The following DGKI variants were observed in gnomAD, a reference collection of about 807,000 sequenced individuals.
DGKI encodes diacylglycerol kinase iota.
A neutral mutation model predicts 147.5 loss-of-function variants in DGKI; 55 were observed. The observed-to-expected ratio is 0.37, with a 90% CI of 0.30 to 0.47. DGKI has a LOEUF of 0.47. Ranked by LOEUF, DGKI falls within the 20% of genes least tolerant of loss-of-function variation. The pLI, the probability that DGKI is intolerant of heterozygous loss-of-function variation, is 1.00. For missense variants in DGKI, 1,007 were observed against 1,323.8 expected, an observed-to-expected ratio of 0.76 and a Z score of 3.71; for synonymous variants, 469 against 477.1, an observed-to-expected ratio of 0.98 and a Z score of 0.22.
At chr7:137,677,438 A>G (rs1823074073) in intron 3 of DGKI, among the ~76,000 whole-genome samples, 2 of 152,236 alleles carry the variant, frequency 1.3e-5, no homozygotes, top group African/African-American at 2.4e-5. Context: ...TTGATTCCCA[A>G]CTTCACTTAA....
intron 21 of DGKI, among the ~76,000 whole-genome samples, chr7:137,519,966 T>G (rs1434113700): frequency 6.6e-6 from 1 of 152,108 alleles, no homozygotes; most frequent in Non-Finnish European, 1.5e-5. Context: ...CCAAAGACAC[T>G]GTTCAATTTA....
intron 6 of DGKI, among the ~76,000 whole-genome samples, chr7:137,628,562 G>C (rs953722482): frequency 6.6e-6 from 1 of 152,112 alleles, no homozygotes; most frequent in Non-Finnish European, 1.5e-5. Flanking sequence ...GCCCAAATCT[G>C]CTAATATGGT....
rs374518823 is a variant in DGKI, at chr7:137,831,541, C to G, written c.401+14921G>C. Among the ~76,000 whole-genome samples, 10 of 152,310 alleles carry G rather than the reference C, an allele frequency of 6.6e-5. No homozygotes were observed. In the East Asian group the frequency reaches 1.7e-3, roughly 26 times the overall value. On this transcript the variant is annotated intron_variant, in intron 1 of 32. Coordinates refer to ENST00000614521, the MANE Select transcript of DGKI (RefSeq NM_001321708.2). ...TGAGACTTATTTACTATTATGAGAACAGCATAAGAAAGACCCATCCCATAA... is the reference window on the plus strand; with the variant it reads ...TGAGACTTATTTACTATTATGAGAAGAGCATAAGAAAGACCCATCCCATAA...
chr7:137,490,985 C>A (rs1310291176), intron 21 of DGKI, among the ~76,000 whole-genome samples: 2 of 152,218 alleles, frequency 1.3e-5, no homozygotes, highest in African/African-American at 2.4e-5. Flanking sequence ...ATACTACTAA[C>A]CTACAATAAA....
intron 6 of DGKI, among the ~76,000 whole-genome samples, chr7:137,639,310 T>C (rs1174405143): frequency 6.6e-6 from 1 of 152,084 alleles, no homozygotes; most frequent in Non-Finnish European, 1.5e-5. Flanking sequence ...AGGGTAAATA[T>C]GTAGAAGCAG....
At chr7:137,663,921 C>A (rs1314089961) in intron 3 of DGKI, among the ~76,000 whole-genome samples, 1 of 151,960 alleles carries the variant, frequency 6.6e-6, no homozygotes, top group Non-Finnish European at 1.5e-5. Context: ...CCCACTTAAC[C>A]CTCAATCAGC....
At position 137,391,237 on chromosome 7, in the gene DGKI, G is replaced by T; in HGVS notation, c.3157C>A (p.Leu1053Met). 1.2e-6 allele frequency: 2 copies of T among 1,613,934 alleles called. No homozygotes were observed. Among genetic ancestry groups the T allele is most frequent in the Non-Finnish European group, 1.7e-6 (2 of 1,179,914 alleles). Residue 1053 changes from leucine to methionine, a missense_variant, in exon 33 of 33, where the codon CTG (leucine) becomes ATG (methionine). Leu to Met is a conservative substitution (Grantham distance 15). Coordinates refer to ENST00000614521, the MANE Select transcript of DGKI (RefSeq NM_001321708.2). ...QNYKVIGHED[L>M]ETAV is the part of the protein sequence containing the mutation. ...TACCAGGGTCAAACAGCAGTTTCCA[G>T]GTCCTCATGGCCAATGACCTTATAG...
Position 137,391,332 on chromosome 7 carries a change from T to G in DGKI, c.3062A>C (p.Lys1021Thr). 6.4e-7 allele frequency: 1 copy of G among 1,569,664 alleles called. No homozygotes were observed. Among genetic ancestry groups the G allele is most frequent in the Non-Finnish European group, 8.6e-7 (1 of 1,163,200 alleles). The part of the protein sequence containing the change: ...ASLRKTDSKG[K>T]TPQERAQQAG... ...CTGCTGTGCTCTTTCTTGAGGTGTC[T>G]TACCCTATACGAAAATAGTGAGAAA... The change falls in exon 33 of 33, where the codon AAG becomes ACG. Residue 1021 changes from lysine to threonine, a missense_variant. Physicochemically the swap from Lys to Thr is moderately conservative, Grantham distance 78. This residue lies in a region of DGKI where 385 missense variants were observed against 445.2 expected (regional missense o/e 0.86). Transcript: ENST00000614521.
At chr7:137,720,383 G>A (rs76726845) in intron 1 of DGKI, among the ~76,000 whole-genome samples, 239 of 144,254 alleles carry the variant, frequency 1.7e-3, no homozygotes, top group African/African-American at 5.3e-3. Context: ...TCAGCCCCCC[G>A]AGTGGCTGGG....
intron 10 of DGKI, among the ~76,000 whole-genome samples, chr7:137,603,479 T>A (rs1308445232): frequency 2.6e-5 from 4 of 152,214 alleles, no homozygotes; most frequent in African/African-American, 9.6e-5. Context: ...ACAATCCAAA[T>A]AGAATGCCTC....
At chr7:137,680,048 G>A (rs1395674653) in intron 2 of DGKI, among the ~76,000 whole-genome samples, 23 of 149,276 alleles carry the variant, frequency 1.5e-4, no homozygotes, top group Non-Finnish European at 5.9e-5. Context: ...CAATGTGACA[G>A]AATGTGGAGA....
intron 19 of DGKI, among the ~76,000 whole-genome samples, chr7:137,555,194 G>T (rs1379480499): frequency 1.3e-5 from 2 of 151,474 alleles, no homozygotes; most frequent in East Asian, 4.1e-4. Context: ...GATTACAGGT[G>T]TGAGCCACTG....
chr7:137,692,471 C>T (rs1482176399), intron 1 of DGKI, among the ~76,000 whole-genome samples: 1 of 152,000 alleles, frequency 6.6e-6, no homozygotes, highest in East Asian at 1.9e-4. Context: ...AGTTTTGATA[C>T]AAAAAAATTT....
At chr7:137,498,997 A>G (rs770046511) in intron 21 of DGKI, among the ~76,000 whole-genome samples, 1 of 152,110 alleles carries the variant, frequency 6.6e-6, no homozygotes, top group Non-Finnish European at 1.5e-5. Context: ...GTCCGTGTGC[A>G]CTCTCAGAAA....
intron 21 of DGKI, chr7:137,513,845 G>A: frequency 1.4e-6 from 1 of 692,484 alleles, no homozygotes; most frequent in South Asian, 1.5e-5. Flanking sequence ...CATTTTTTTG[G>A]AAACCTCTGC....
intron 28 of DGKI, among the ~76,000 whole-genome samples, chr7:137,421,761 A>G (rs1812580571): frequency 6.6e-6 from 1 of 152,246 alleles, no homozygotes; most frequent in African/African-American, 2.4e-5. Flanking sequence ...TTTTATCCAC[A>G]CTATATCTTT....
intron 2 of DGKI, among the ~76,000 whole-genome samples, chr7:137,683,682 CAA>C (rs1479077112): frequency 6.6e-6 from 1 of 152,204 alleles, no homozygotes; most frequent in East Asian, 1.9e-4. Context: ...GTATACAACT[CAA>C]AGAGTCTCCA....
At chr7:137,739,234 C>T (rs1795109136) in intron 1 of DGKI, among the ~76,000 whole-genome samples, 1 of 152,140 alleles carries the variant, frequency 6.6e-6, no homozygotes, top group South Asian at 2.1e-4. Context: ...AAGTCAAGTG[C>T]CTAAAGGGCT....
intron 6 of DGKI, among the ~76,000 whole-genome samples, chr7:137,636,237 A>G (rs1445920437): frequency 6.6e-6 from 1 of 152,178 alleles, no homozygotes; most frequent in Non-Finnish European, 1.5e-5. Context: ...TGGTCCGCCT[A>G]CCAGGTAGGT....
Sources: gnomAD v4.1 joint callset for allele counts (sites outside exome capture counted in the v4.1 genomes callset) on GRCh38, gnomAD v4.1.1 for gene constraint, gnomAD v4.1.1 regional missense constraint, MANE v1.5 for transcripts, NCBI Gene and HGNC (gene_info 2026-07-23, HGNC 2026-07-21) for gene names.